The following THSD7A variants were observed in gnomAD, a reference collection of about 807,000 sequenced individuals.
THSD7A encodes the protein thrombospondin type-1 domain-containing protein 7A.
A neutral mutation model predicts 231.3 loss-of-function variants in THSD7A; 96 were observed. The ratio of observed to expected loss-of-function variants is 0.41; its 90% CI spans 0.35 to 0.49. THSD7A has a LOEUF of 0.49. Ranked by LOEUF, THSD7A falls within the 20% of genes least tolerant of loss-of-function variation. The pLI, the probability that THSD7A is intolerant of heterozygous loss-of-function variation, is 0.05. For synonymous variants in THSD7A, 940 were observed against 743.3 expected (o/e 1.26, Z -4.30); for missense variants, 2,290 against 2,070.2 (o/e 1.11, Z -2.06).
At position 11,444,261 on chromosome 7, in the gene THSD7A, A is replaced by G. The variant is rs1784892725; in HGVS notation, c.3064+1800T>C. On this transcript the variant is annotated intron_variant, in intron 13 of 27. Coordinates refer to ENST00000423059, the MANE Select transcript of THSD7A (RefSeq NM_015204.3). This position sits in a 1 kb window ranked among gnomAD's most constrained non-coding sequence, Gnocchi z 4.2. Reference sequence around the variant, plus strand: ...GTGTGGCGATTCCTCAAGGATCTAGAACCAGAAATACCATTTGACCCAGCA... The same window carrying G: ...GTGTGGCGATTCCTCAAGGATCTAGGACCAGAAATACCATTTGACCCAGCA... Among the ~76,000 whole-genome samples, 1 of 152,130 alleles carries G rather than the reference A, an allele frequency of 6.6e-6. No homozygotes were observed. The highest frequency in any genetic ancestry group is 1.5e-5 in the Non-Finnish European group (1 of 68,018).
intron 3 of THSD7A, among the ~76,000 whole-genome samples, chr7:11,592,897 C>G (rs1780220169): frequency 6.6e-6 from 1 of 152,044 alleles, no homozygotes; most frequent in Non-Finnish European, 1.5e-5. Flanking sequence ...TGGAACACAG[C>G]CACGCTCAGT....
At chr7:11,821,442 A>G in intron 1 of THSD7A, 1 of 266,968 alleles carries the variant, frequency 3.7e-6, no homozygotes, top group South Asian at 9.4e-5. Flanking sequence ...TAGTAATATT[A>G]GAAACATTTA....
chr7:11,612,300 C>A (rs985833879), intron 2 of THSD7A, among the ~76,000 whole-genome samples: 7 of 152,202 alleles, frequency 4.6e-5, no homozygotes, highest in African/African-American at 1.7e-4. Context: ...ATCATCCCAG[C>A]TCTCACTCTC....
chr7:11,698,813 T>C (rs1780480507), intron 1 of THSD7A, among the ~76,000 whole-genome samples: 1 of 151,390 alleles, frequency 6.6e-6, no homozygotes, highest in South Asian at 2.1e-4. Flanking sequence ...ATGTTAATTA[T>C]AGAAACTAAC....
At chr7:11,610,296 T>A (rs529023166) in intron 2 of THSD7A, among the ~76,000 whole-genome samples, 2 of 152,210 alleles carry the variant, frequency 1.3e-5, no homozygotes, top group Admixed American at 6.6e-5. Flanking sequence ...CTCCCCCAAA[T>A]TGGAGCTTTG....
chr7:11,790,616 A>G (rs999333809), intron 1 of THSD7A, among the ~76,000 whole-genome samples: 1 of 151,968 alleles, frequency 6.6e-6, no homozygotes, highest in African/African-American at 2.4e-5. Flanking sequence ...TTTTTTGCTG[A>G]AGAACATCAG....
intron 1 of THSD7A, among the ~76,000 whole-genome samples, chr7:11,797,411 T>C (rs1323219855): frequency 7.0e-6 from 1 of 142,860 alleles, no homozygotes; most frequent in African/African-American, 2.6e-5. Flanking sequence ...TCTGCCTCTC[T>C]CTTTTTTTTT....
intron 1 of THSD7A, among the ~76,000 whole-genome samples, chr7:11,745,327 T>C (rs1310369915): frequency 6.6e-6 from 1 of 152,172 alleles, no homozygotes; most frequent in Non-Finnish European, 1.5e-5. Flanking sequence ...GAGTTCATTG[T>C]GGATTCTGGA....
intron 5 of THSD7A, among the ~76,000 whole-genome samples, chr7:11,542,666 C>T (rs1789202472): frequency 6.6e-6 from 1 of 152,092 alleles, no homozygotes; most frequent in African/African-American, 2.4e-5. Context: ...CAGTAAGGGA[C>T]ACAGTAGATT....
intron 7 of THSD7A, among the ~76,000 whole-genome samples, chr7:11,476,527 G>A (rs1383028798): frequency 6.6e-6 from 1 of 152,066 alleles, no homozygotes; most frequent in East Asian, 1.9e-4. Flanking sequence ...TCAAGATTGT[G>A]TAGAAAGCAC....
chr7:11,622,682 G>T (rs778116347), intron 2 of THSD7A, among the ~76,000 whole-genome samples: 1 of 151,966 alleles, frequency 6.6e-6, no homozygotes, highest in Non-Finnish European at 1.5e-5. Context: ...GACCACCAGG[G>T]TTTCACTTGC....
At chr7:11,383,536 T>C (rs1782608201) in intron 23 of THSD7A, among the ~76,000 whole-genome samples, 1 of 151,970 alleles carries the variant, frequency 6.6e-6, no homozygotes, top group Non-Finnish European at 1.5e-5. Flanking sequence ...CTGCAAAAGG[T>C]GACAATTTAC....
intron 1 of THSD7A, among the ~76,000 whole-genome samples, chr7:11,781,991 A>T: frequency 6.6e-6 from 1 of 152,126 alleles, no homozygotes; most frequent in Non-Finnish European, 1.5e-5. Context: ...TATTCTCCAG[A>T]TCTAATTGTA....
chr7:11,618,343 A>T (rs1382332101), intron 2 of THSD7A, among the ~76,000 whole-genome samples: 1 of 152,204 alleles, frequency 6.6e-6, no homozygotes, highest in African/African-American at 2.4e-5. Flanking sequence ...TACACGTAAG[A>T]TGTATATTTT....
chr7:11,799,979 G>A (rs1015890262), intron 1 of THSD7A, among the ~76,000 whole-genome samples: 1 of 152,158 alleles, frequency 6.6e-6, no homozygotes, highest in African/African-American at 2.4e-5. Context: ...CATAGAACAA[G>A]GCTCTTCTGT....
intron 1 of THSD7A, among the ~76,000 whole-genome samples, chr7:11,761,577 A>G (rs181973948): frequency 1.2e-4 from 18 of 152,184 alleles, no homozygotes; most frequent in African/African-American, 4.3e-4. Context: ...TTTCAAGAGG[A>G]GGCTGTGTTA....
At chr7:11,508,263 C>T (rs1414627412) in intron 6 of THSD7A, among the ~76,000 whole-genome samples, 8 of 152,052 alleles carry the variant, frequency 5.3e-5, no homozygotes, top group Non-Finnish European at 1.5e-5. Context: ...AGATTAAGGA[C>T]TAGATAGACA....
intron 1 of THSD7A, among the ~76,000 whole-genome samples, chr7:11,789,981 G>T (rs923602136): frequency 4.6e-5 from 7 of 151,732 alleles, no homozygotes; most frequent in Non-Finnish European, 7.4e-5. Context: ...TTAGAATCAG[G>T]TACCAAAAAG....
chr7:11,468,409 G>A (rs998138883), intron 9 of THSD7A, among the ~76,000 whole-genome samples: 1 of 150,512 alleles, frequency 6.6e-6, no homozygotes, highest in East Asian at 1.9e-4. Flanking sequence ...AAAGGAATAA[G>A]AGAGGAAAAT....
Sources: gnomAD v4.1 joint callset for allele counts (sites outside exome capture counted in the v4.1 genomes callset) on GRCh38, gnomAD v4.1.1 for gene constraint, Gnocchi (gnomAD v3.1) non-coding constraint, MANE v1.5 for transcripts, NCBI Gene and HGNC (gene_info 2026-07-23, HGNC 2026-07-21) for gene names.